VPS26C: variants seen among roughly 807,000 people sequenced by gnomAD.
The protein encoded by VPS26C is vacuolar protein sorting-associated protein 26C.
Under a neutral mutation model 30.6 loss-of-function variants are expected in VPS26C, and 19 were observed. The observed-to-expected ratio is 0.62, with a 90% CI of 0.43 to 0.91. VPS26C has a LOEUF of 0.91. Among genes scored for constraint, VPS26C ranks in the 40% least tolerant of loss-of-function variants. The probability of loss-of-function intolerance (pLI) is 0.00; values close to 1 mark genes in which losing one functional copy is unlikely to be tolerated. For missense variants in VPS26C, 318 were observed against 385.1 expected (o/e 0.83, Z 1.46); for synonymous variants, 132 against 151.5 (o/e 0.87, Z 0.95).
chr21:37,235,370 G>A lies in VPS26C; in HGVS notation c.352-1928C>T, dbSNP rs558845474. Among the ~76,000 whole-genome samples the A allele has an allele frequency of 1.2e-3, 190 of 152,266 alleles. 1 individual carries two copies. Among genetic ancestry groups the A allele is most frequent in the African/African-American group, 4.5e-3 (187 of 41,550 alleles). ...GCTGGTCTCGAACTCCTGACCTTAG[G>A]TGATCTGCCCACCTCCGCCTCCCAA... is the stretch of plus-strand genomic sequence containing the variant. On this transcript the variant is annotated intron_variant, in intron 3 of 7. Coordinates refer to ENST00000309117, the MANE Select transcript of VPS26C (RefSeq NM_006052.2).
intron 1 of VPS26C, among the ~76,000 whole-genome samples, chr21:37,259,418 CTTAT>C (rs1325753516): frequency 1.3e-5 from 2 of 148,810 alleles, no homozygotes; most frequent in Non-Finnish European, 3.0e-5. Context: ...GAGTAAATCT[CTTAT>C]TTATGTTTTT....
chr21:37,228,235 C>G lies in VPS26C; in HGVS notation c.646G>C (p.Val216Leu). The G allele has an allele frequency of 1.9e-6, 3 of 1,612,688 alleles. No individual in the cohort carries two copies. Among genetic ancestry groups the G allele is most frequent in the Non-Finnish European group, 2.5e-6 (3 of 1,180,006 alleles). Residue 216 changes from valine (V) to leucine (L), a missense_variant, in exon 6 of 8, where the codon GTG becomes CTG. By Grantham distance (32) the Val-to-Leu change is conservative. Transcript: ENST00000309117. ...IRSVELQLVRVETCGCAEGYA... is the reference protein window; with the variant it reads ...IRSVELQLVRLETCGCAEGYA... ...GCACGGCCCTCACCGCACGTCTCCA[C>G]GCGCACCAGCTGCAGCTCCACGCTT...
chr21:37,233,514 G>T lies in VPS26C; in HGVS notation c.352-72C>A. The T allele has an allele frequency of 9.1e-7, 1 of 1,104,028 alleles. No individual in the cohort carries two copies. Among genetic ancestry groups the T allele is most frequent in the East Asian group, 2.4e-5 (1 of 42,176 alleles). 68.4% of individuals were successfully genotyped at this position (1,104,028 alleles called of 1,614,324 possible). On this transcript the variant is annotated intron_variant, in intron 3 of 7. Coordinates refer to ENST00000309117, the MANE Select transcript of VPS26C (RefSeq NM_006052.2). The surrounding 1 kb of genome is among the most constrained non-coding windows in gnomAD (Gnocchi z 5.2). ...CTTTCATCTTGGAATTATATTCAAAGAGACAAGTCAGTCAACATATTTTAG... is the reference window on the plus strand; with the variant it reads ...CTTTCATCTTGGAATTATATTCAAATAGACAAGTCAGTCAACATATTTTAG...
intron 7 of VPS26C, chr21:37,225,909 C>G (rs1569229431): frequency 2.1e-6 from 1 of 477,766 alleles, no homozygotes; most frequent in Non-Finnish European, 3.8e-6. Flanking sequence ...CTTTCCCTGT[C>G]CCTTTGCTTT....
chr21:37,247,461 TAAAAC>T (rs1486842026), intron 1 of VPS26C, among the ~76,000 whole-genome samples: 4 of 152,064 alleles, frequency 2.6e-5, no homozygotes, highest in East Asian at 3.9e-4. Flanking sequence ...GGGTAACAGT[TAAAAC>T]AAAAATAAAA....
At chr21:37,239,053 G>A (rs1186159503) in intron 2 of VPS26C, among the ~76,000 whole-genome samples, 4 of 152,190 alleles carry the variant, frequency 2.6e-5, no homozygotes, top group African/African-American at 2.4e-5. Context: ...CAGCTTCCTC[G>A]GAGCCTTCCT....
intron 1 of VPS26C, among the ~76,000 whole-genome samples, chr21:37,251,087 C>T (rs2086189101): frequency 6.6e-6 from 1 of 152,044 alleles, no homozygotes. Flanking sequence ...AAAAAAATGT[C>T]ATTACATTGT....
intron 1 of VPS26C, among the ~76,000 whole-genome samples, chr21:37,260,923 G>A (rs973735127): frequency 1.3e-5 from 2 of 152,124 alleles, no homozygotes; most frequent in Admixed American, 1.3e-4. Context: ...TCCATAATGT[G>A]CCTACAATAC....
At chr21:37,244,409 T>G (rs2148295723) in intron 1 of VPS26C, among the ~76,000 whole-genome samples, 1 of 152,326 alleles carries the variant, frequency 6.6e-6, no homozygotes, top group Non-Finnish European at 1.5e-5. Context: ...AGCTAATTTT[T>G]TGTATTGTTA....
chr21:37,228,282 TC>T lies in VPS26C; in HGVS notation c.598del (p.Glu200ArgfsTer93). 1 of 1,614,174 alleles carries T rather than the reference TC, an allele frequency of 6.2e-7. No homozygotes were observed. Among genetic ancestry groups the T allele is most frequent in the Non-Finnish European group, 8.5e-7 (1 of 1,180,036 alleles). ...GCTTCTGATGGCGGCTTCCGAGCTC[TC>T]CACCACCAGCTCTCCCGTTAGTGGC... The part of the protein sequence containing the change: ...TQPLTGELVV[E>X]SSEAAIRSVE... On this transcript the variant is annotated frameshift_variant, in exon 6 of 8. Coordinates refer to ENST00000309117, the MANE Select transcript of VPS26C (RefSeq NM_006052.2). LOFTEE classifies it high-confidence loss of function.
intron 5 of VPS26C, chr21:37,230,418 A>G (rs1314077974): frequency 6.6e-6 from 1 of 152,252 alleles, no homozygotes; most frequent in South Asian, 2.1e-4. Flanking sequence ...GCTGTCTTAT[A>G]TCCTTCCAAT....
chr21:37,243,169 G>C (rs1244428430), intron 1 of VPS26C, among the ~76,000 whole-genome samples: 1 of 152,114 alleles, frequency 6.6e-6, no homozygotes, highest in Non-Finnish European at 1.5e-5. Context: ...ATCTCACCAA[G>C]AACTTCTCCC....
intron 5 of VPS26C, among the ~76,000 whole-genome samples, 181 bp downstream of exon 5, chr21:37,232,196 C>T (rs1602265153): frequency 6.6e-6 from 1 of 152,314 alleles, no homozygotes; most frequent in South Asian, 2.1e-4. Flanking sequence ...CTCTTCTAAG[C>T]TGCTTTACTG....
intron 3 of VPS26C, among the ~76,000 whole-genome samples, chr21:37,234,137 A>G (rs1602266976): frequency 6.6e-6 from 1 of 152,216 alleles, no homozygotes; most frequent in African/African-American, 2.4e-5. Flanking sequence ...GGGAACTTCT[A>G]GTTTACTGAA....
At chr21:37,234,921 C>T (rs2086004032) in intron 3 of VPS26C, among the ~76,000 whole-genome samples, 1 of 152,030 alleles carries the variant, frequency 6.6e-6, no homozygotes, top group Non-Finnish European at 1.5e-5. Flanking sequence ...CGGTTCACTG[C>T]AACCTCCACC....
At chr21:37,252,427 T>C (rs557067408) in intron 1 of VPS26C, among the ~76,000 whole-genome samples, 1 of 152,318 alleles carries the variant, frequency 6.6e-6, no homozygotes, top group East Asian at 1.9e-4. Context: ...GCCAGTATTA[T>C]GTGAAATTTA....
intron 1 of VPS26C, among the ~76,000 whole-genome samples, chr21:37,249,260 G>A (rs1014251281): frequency 1.3e-5 from 2 of 152,164 alleles, no homozygotes; most frequent in African/African-American, 4.8e-5. Context: ...AAGGCAGGAG[G>A]TAAAATGATC....
intron 3 of VPS26C, among the ~76,000 whole-genome samples, chr21:37,234,966 CTGAG>C (rs2086004494): frequency 1.4e-5 from 2 of 146,728 alleles, no homozygotes; most frequent in African/African-American, 2.5e-5. Flanking sequence ...CCTCAGCCTC[CTGAG>C]TATCTGGAAT....
intron 1 of VPS26C, among the ~76,000 whole-genome samples, chr21:37,251,128 T>G (rs2086189536): frequency 6.6e-6 from 1 of 152,216 alleles, no homozygotes; most frequent in South Asian, 2.1e-4. Context: ...AAGCCTTCTC[T>G]GCATTGCTGG....
Sources: gnomAD v4.1 joint callset for allele counts (sites outside exome capture counted in the v4.1 genomes callset) on GRCh38, gnomAD v4.1.1 for gene constraint, Gnocchi (gnomAD v3.1) non-coding constraint, MANE v1.5 for transcripts, NCBI Gene and HGNC (gene_info 2026-07-23, HGNC 2026-07-21) for gene names.